IRS2: variants seen among roughly 807,000 people sequenced by gnomAD.
IRS2 encodes insulin receptor substrate 2.
IRS2 carries 28 observed loss-of-function variants against 70.9 expected under a neutral mutation model. The ratio of observed to expected loss-of-function variants is 0.39; its 90% CI spans 0.29 to 0.54. The LOEUF is 0.54. Among genes scored for constraint, IRS2 ranks in the 20% least tolerant of loss-of-function variants. The probability of loss-of-function intolerance (pLI) is 0.59; values close to 1 mark genes in which losing one functional copy is unlikely to be tolerated. For missense variants in IRS2, 2,081 were observed against 2,024.1 expected (o/e 1.03, Z -0.54); for synonymous variants, 1,217 against 981.9 (o/e 1.24, Z -4.48).
At chr13:109,782,012 G>T (rs746771171) in intron 1 of IRS2, 30 bp downstream of exon 1, 10 of 1,608,630 alleles carry the variant, frequency 6.2e-6, no homozygotes, top group Middle Eastern at 3.3e-4. Flanking sequence ...CCTCCTTCCC[G>T]CCAGACGCCA....
rs2138936574 is a variant in IRS2, at chr13:109,784,687, G to A, written c.1367C>T (p.Ser456Leu). The change falls in exon 1 of 2, where the codon TCG becomes TTG. Residue 456 changes from serine to leucine, a missense_variant. Around this residue, in one of 4 missense-constraint regions of IRS2, gnomAD observed 1,615 missense variants for 1,459.5 expected, o/e 1.11. Transcript: ENST00000375856. This position sits in a 1 kb window ranked among gnomAD's most constrained non-coding sequence, Gnocchi z 5.2. ...GSLSSSSGHG[S>L]GSYPPPPGPH... is the part of the protein sequence containing the mutation. ...GCCGGGCGGCGGCGGGTAGGAGCCC[G>A]AGCCGTGGCCGCTGCTGGACGACAG... 8.1e-7 allele frequency: 1 copy of A among 1,237,904 alleles called. No homozygotes were observed. The highest frequency in any genetic ancestry group is 1.0e-6 in the Non-Finnish European group (1 of 993,494). 76.7% of individuals were successfully genotyped at this position (1,237,904 alleles called of 1,614,324 possible).
Position 109,782,682 on chromosome 13 carries a change from G to T in IRS2, c.3372C>A (p.Ser1124Arg). Residue 1124 changes from serine to arginine, a missense_variant, in exon 1 of 2, where the codon AGC (serine) becomes AGA (arginine). By Grantham distance (110) the Ser-to-Arg change is moderately radical. Coordinates refer to ENST00000375856, the MANE Select transcript of IRS2 (RefSeq NM_003749.3). ...VSGVEAFLQA[S>R]QPPDPHRGAK... Reference sequence around the variant, plus strand: ...CGCCGCGGTGGGGGTCCGGGGGCTGGCTGGCCTGCAGGAAGGCCTCGACTC... The same window carrying T: ...CGCCGCGGTGGGGGTCCGGGGGCTGTCTGGCCTGCAGGAAGGCCTCGACTC... 6.3e-7 allele frequency: 1 copy of T among 1,577,698 alleles called. No individual in the cohort carries two copies. Among genetic ancestry groups the T allele is most frequent in the Non-Finnish European group, 8.6e-7 (1 of 1,163,536 alleles).
rs761851705 is a variant in IRS2 at position 109,782,949 on chromosome 13, CGGCGGT to C, written c.3099_3104del (p.Pro1035_Pro1036del). On this transcript the variant is annotated inframe_deletion, in exon 1 of 2. Coordinates refer to ENST00000375856, the MANE Select transcript of IRS2 (RefSeq NM_003749.3). ...GGCGGTACAGCTCCCCCGGGGCCGG[CGGCGGT>C]GGCGGCGGCTGCAGAGACGACGACG... is the stretch of plus-strand genomic sequence containing the variant. 17 of 1,432,512 alleles carry C rather than the reference CGGCGGT, an allele frequency of 1.2e-5. No homozygotes were observed. The highest frequency in any genetic ancestry group is 7.7e-5 in the South Asian group (5 of 65,074). 88.7% of individuals were successfully genotyped at this position (1,432,512 alleles called of 1,614,324 possible).
chr13:109,764,482 C>A (rs530313753), intron 1 of IRS2, among the ~76,000 whole-genome samples: 2 of 152,124 alleles, frequency 1.3e-5, no homozygotes, highest in East Asian at 3.9e-4. Context: ...TAATTAATAC[C>A]AAAAATGCGT....
intron 1 of IRS2, among the ~76,000 whole-genome samples, chr13:109,756,989 A>G (rs9515119): frequency 4.7e-4 from 71 of 152,104 alleles, no homozygotes; most frequent in Middle Eastern, 3.4e-3. Context: ...TCAAACTTTC[A>G]TATGTTCCAG....
Position 109,783,061 on chromosome 13 carries a change from G to T in IRS2, c.2993C>A (p.Pro998His). Residue 998 changes from proline (P) to histidine (H), a missense_variant, in exon 1 of 2, where the codon CCC becomes CAC. Physicochemically the swap from Pro to His is moderately conservative, Grantham distance 77 (BLOSUM62 -2). Around this residue, in one of 4 missense-constraint regions of IRS2, gnomAD observed 1,615 missense variants for 1,459.5 expected, o/e 1.11. Coordinates refer to ENST00000375856, the MANE Select transcript of IRS2 (RefSeq NM_003749.3). ...CAGGAGGCCGTCCAAGGAGCCCACGGGGTGGCCGCTCGGGGCGCCCGGCTT... is the reference window on the plus strand; with the variant it reads ...CAGGAGGCCGTCCAAGGAGCCCACGTGGTGGCCGCTCGGGGCGCCCGGCTT... The part of the protein sequence containing the change: ...SPKPGAPSGH[P>H]VGSLDGLLSP... The T allele has an allele frequency of 7.2e-7, 1 of 1,379,838 alleles. No individual in the cohort carries two copies. The highest frequency in any genetic ancestry group is 9.3e-7 in the Non-Finnish European group (1 of 1,072,864). The allele number at this position is 1,379,838 out of a possible 1,614,324, so 85.5% of individuals were successfully genotyped here.
At chr13:109,781,997 C>G in intron 1 of IRS2, 45 bp downstream of exon 1, 1 of 1,600,214 alleles carries the variant, frequency 6.2e-7, no homozygotes, top group Non-Finnish European at 8.5e-7. Flanking sequence ...CCTCAGCGCC[C>G]CGCCCCTCCT....
chr13:109,758,829 CAAAA>C (rs3049004), intron 1 of IRS2, among the ~76,000 whole-genome samples: 20 of 102,998 alleles, frequency 1.9e-4, no homozygotes, highest in Non-Finnish European at 3.7e-4. Flanking sequence ...AGATGGCTGA[CAAAA>C]AAAAAAAAAA....
intron 1 of IRS2, among the ~76,000 whole-genome samples, chr13:109,777,688 G>A (rs1463091732): frequency 1.3e-5 from 2 of 152,116 alleles, no homozygotes; most frequent in African/African-American, 2.4e-5. Context: ...ATTAAGAGGC[G>A]ATTTTTAAAA....
intron 1 of IRS2, among the ~76,000 whole-genome samples, chr13:109,781,196 G>C (rs907641819): frequency 1.3e-5 from 2 of 152,124 alleles, no homozygotes; most frequent in African/African-American, 4.8e-5. Flanking sequence ...CTCCCCAGGT[G>C]AGTCTCACCT....
chr13:109,759,024 T>G (rs1031031547), intron 1 of IRS2, among the ~76,000 whole-genome samples: 10 of 151,816 alleles, frequency 6.6e-5, no homozygotes, highest in African/African-American at 2.4e-4. Flanking sequence ...ACAAGAGAGC[T>G]GAGGTGAGGG....
At chr13:109,771,844 G>C (rs924873586) in intron 1 of IRS2, among the ~76,000 whole-genome samples, 1 of 152,182 alleles carries the variant, frequency 6.6e-6, no homozygotes, top group South Asian at 2.1e-4. Flanking sequence ...TAGGGTCCCA[G>C]TACCTCCATT....
Position 109,783,070 on chromosome 13 carries a change from C to A in IRS2, c.2984G>T (p.Ser995Ile). The A allele has an allele frequency of 7.2e-7, 1 of 1,380,140 alleles. No individual in the cohort carries two copies. Among genetic ancestry groups the A allele is most frequent in the Non-Finnish European group, 9.3e-7 (1 of 1,073,114 alleles). 85.5% of individuals were successfully genotyped at this position (1,380,140 alleles called of 1,614,324 possible). A position where few individuals can be genotyped will look rare whatever the true frequency, so the allele number is the denominator to read the frequency against. The change falls in exon 1 of 2, where the codon AGC becomes ATC. Residue 995 changes from serine (S) to isoleucine (I), a missense_variant. By Grantham distance (142) the Ser-to-Ile change is moderately radical (BLOSUM62 -2). This residue lies in a region of IRS2 where 1,615 missense variants were observed against 1,459.5 expected (regional missense o/e 1.11). Coordinates refer to ENST00000375856, the MANE Select transcript of IRS2 (RefSeq NM_003749.3). ...SPKSPKPGAP[S>I]GHPVGSLDGL... ...GTCCAAGGAGCCCACGGGGTGGCCGCTCGGGGCGCCCGGCTTAGGAGACTT... is the reference window on the plus strand; with the variant it reads ...GTCCAAGGAGCCCACGGGGTGGCCGATCGGGGCGCCCGGCTTAGGAGACTT...
Position 109,783,103 on chromosome 13 carries a change from C to G in IRS2, c.2951G>C (p.Ser984Thr), listed in dbSNP as rs2138931690. Residue 984 changes from serine (S) to threonine (T), a missense_variant, in exon 1 of 2, where the codon AGC becomes ACC. Physicochemically the swap from Ser to Thr is moderately conservative, Grantham distance 58. This residue lies in a region of IRS2 where 1,615 missense variants were observed against 1,459.5 expected (regional missense o/e 1.11). Transcript: ENST00000375856. ...PLSDYMNLDF[S>T]SPKSPKPGAP... ...GCCCGGCTTAGGAGACTTGGGGGAGCTGAAGTCGAGGTTCATGTAGTCGGA... is the reference window on the plus strand; with the variant it reads ...GCCCGGCTTAGGAGACTTGGGGGAGGTGAAGTCGAGGTTCATGTAGTCGGA... 1 of 1,391,238 alleles carries G rather than the reference C, an allele frequency of 7.2e-7. No individual in the cohort carries two copies. Among genetic ancestry groups the G allele is most frequent in the Non-Finnish European group, 9.3e-7 (1 of 1,079,484 alleles). 86.2% of individuals were successfully genotyped at this position (1,391,238 alleles called of 1,614,324 possible).
At position 109,783,031 on chromosome 13, in the gene IRS2, G is replaced by A. The variant is rs934565701; in HGVS notation, c.3023C>T (p.Pro1008Leu). ...PVGSLDGLLS[P>L]EASSPYPPLP... ...CGGCGGATACGGGGAGGAGGCCTCGGGGGACAGGAGGCCGTCCAAGGAGCC... is the reference window on the plus strand; with the variant it reads ...CGGCGGATACGGGGAGGAGGCCTCGAGGGACAGGAGGCCGTCCAAGGAGCC... The change falls in exon 1 of 2, where the codon CCC becomes CTC. Residue 1008 changes from proline to leucine, a missense_variant. Pro to Leu is a moderately conservative substitution (Grantham distance 98, BLOSUM62 -3). Coordinates refer to ENST00000375856, the MANE Select transcript of IRS2 (RefSeq NM_003749.3). 2.9e-6 allele frequency: 4 copies of A among 1,363,974 alleles called. No individual in the cohort carries two copies. The highest frequency in any genetic ancestry group is 7.6e-5 in the Admixed American group (2 of 26,236). The allele number at this position is 1,363,974 out of a possible 1,614,324, so 84.5% of individuals were successfully genotyped here. A position where few individuals can be genotyped will look rare whatever the true frequency, so the allele number is the denominator to read the frequency against.
chr13:109,785,274 G>GC lies in IRS2; in HGVS notation c.779dup (p.Arg261ProfsTer45), dbSNP rs765233698. On this transcript the variant is annotated frameshift_variant, in exon 1 of 2. Transcript: ENST00000375856. LOFTEE classifies it high-confidence loss of function. The surrounding 1 kb of genome is among the most constrained non-coding windows in gnomAD (Gnocchi z 9.3). ...CGCCGGGGCCTGTGACGGCCGAGCG[G>GC]CCCACCTCGATGAAGAAGAAGCTGT... 6.2e-7 allele frequency: 1 copy of GC among 1,607,688 alleles called. No individual in the cohort carries two copies. The highest frequency in any genetic ancestry group is 8.5e-7 in the Non-Finnish European group (1 of 1,177,932).
chr13:109,758,068 T>G (rs903952515), intron 1 of IRS2, among the ~76,000 whole-genome samples: 1 of 152,258 alleles, frequency 6.6e-6, no homozygotes, highest in Non-Finnish European at 1.5e-5. Flanking sequence ...CAGAATTAAT[T>G]TCTTCCTAAG....
intron 1 of IRS2, among the ~76,000 whole-genome samples, chr13:109,781,148 C>A (rs1182855088): frequency 6.6e-6 from 1 of 152,156 alleles, no homozygotes; most frequent in East Asian, 1.9e-4. Flanking sequence ...TTCACTTCAA[C>A]GGGTCTGGGG....
intron 1 of IRS2, among the ~76,000 whole-genome samples, chr13:109,779,464 A>G (rs905160375): frequency 2.0e-5 from 3 of 152,214 alleles, no homozygotes; most frequent in African/African-American, 4.8e-5. Context: ...GAGCATCCCA[A>G]ACAAATTTCT....
Sources: allele counts gnomAD v4.1 joint callset (sites outside exome capture counted in the v4.1 genomes callset), GRCh38; gene constraint gnomAD v4.1.1; regional missense constraint gnomAD v4.1.1; non-coding constraint Gnocchi (gnomAD v3.1); transcripts MANE v1.5; gene names NCBI Gene and HGNC (gene_info 2026-07-23, HGNC 2026-07-21).